The following FIGNL1 variants were observed in gnomAD, a reference collection of about 807,000 sequenced individuals.
FIGNL1 encodes fidgetin like 1, also known as fidgetin-like protein 1.
FIGNL1 carries 11 observed loss-of-function variants against 28.9 expected under a neutral mutation model. The observed-to-expected ratio is 0.38, with a 90% confidence interval of 0.24 to 0.63. FIGNL1 has a LOEUF of 0.63. Ranked by LOEUF, FIGNL1 falls within the 20% of genes least tolerant of loss-of-function variation. The pLI, the probability that FIGNL1 is intolerant of heterozygous loss-of-function variation, is 0.57. For missense variants in FIGNL1, 789 were observed against 810.4 expected, an observed-to-expected ratio of 0.97 and a Z score of 0.32; for synonymous variants, 295 against 276.5, an observed-to-expected ratio of 1.07 and a Z score of -0.66.
rs1232533575 is a variant in FIGNL1, at chr7:50,445,781, C to T, written c.1507G>A (p.Asp503Asn). Residue 503 changes from aspartate (D) to asparagine (N), a missense_variant, in exon 4 of 4, where the codon GAT (aspartate) becomes AAT (asparagine). Asp to Asn is a conservative substitution (Grantham distance 23, BLOSUM62 1). Transcript: ENST00000433017. ...TCTCCCCGTTGAGATAACAAGGAAT[C>T]AATTTCGTCAATAAATATCACAGCT... ...QPAVIFIDEIDSLLSQRGDGE... is the reference protein window; with the variant it reads ...QPAVIFIDEINSLLSQRGDGE... 6.2e-7 allele frequency: 1 copy of T among 1,614,216 alleles called. No homozygotes were observed. The highest frequency in any genetic ancestry group is 1.3e-5 in the African/African-American group (1 of 75,070).
Position 50,445,548 on chromosome 7 carries a change from T to A in FIGNL1, c.1740A>T (p.Leu580=). 6.2e-7 allele frequency: 1 copy of A among 1,614,234 alleles called. No individual in the cohort carries two copies. Among genetic ancestry groups the A allele is most frequent in the Non-Finnish European group, 8.5e-7 (1 of 1,180,040 alleles). The part of the protein sequence containing the change: ...ASARKQIVIN[L]MSKEQCCLSE... The stretch of plus-strand genomic sequence containing the variant: ...TGAGGCAACACTGCTCTTTGGACAT[T>A]AGATTAATTACTATCTGTTTCCTGG... The change falls in exon 4 of 4, where the codon CTA becomes CTT. Residue 580 remains leucine, a synonymous_variant. Transcript: ENST00000433017.
rs574977488 is a variant in FIGNL1, at chr7:50,444,466, C to T, written c.*797G>A. On this transcript the variant is annotated 3_prime_UTR_variant, in exon 4 of 4. Coordinates refer to ENST00000433017, the MANE Select transcript of FIGNL1 (RefSeq NM_001287492.4). ...ATGCTTAAATATTAATAGTGTGTCCCGCAAAGTGGTAGGATAATAGTGACT... is the reference window on the plus strand; with the variant it reads ...ATGCTTAAATATTAATAGTGTGTCCTGCAAAGTGGTAGGATAATAGTGACT... 1.1e-4 allele frequency: 16 copies of T among 152,260 alleles called. No homozygotes were observed. Among genetic ancestry groups the T allele is most frequent in the African/African-American group, 2.9e-4 (12 of 41,566 alleles). 9.4% of individuals were successfully genotyped at this position (152,260 alleles called of 1,614,324 possible). A position where few individuals can be genotyped will look rare whatever the true frequency, so the allele number is the denominator to read the frequency against.
In FIGNL1 at chr7:50,445,369, G is replaced by A; in HGVS notation, c.1919C>T (p.Ala640Val). 6.2e-7 allele frequency: 1 copy of A among 1,614,150 alleles called. No homozygotes were observed. The highest frequency in any genetic ancestry group is 8.5e-7 in the Non-Finnish European group (1 of 1,179,992). ...TITPDQVRPIAYIDFENAFRT... is the reference protein window; with the variant it reads ...TITPDQVRPIVYIDFENAFRT... ...AAAAGCATTTTCAAAATCAATGTAAGCTATGGGTCGAACTTGATCCGGTGT... is the reference window on the plus strand; with the variant it reads ...AAAAGCATTTTCAAAATCAATGTAAACTATGGGTCGAACTTGATCCGGTGT... Residue 640 changes from alanine to valine, a missense_variant, in exon 4 of 4, where the codon GCT becomes GTT. Coordinates refer to ENST00000433017, the MANE Select transcript of FIGNL1 (RefSeq NM_001287492.4).
At position 50,445,323 on chromosome 7, in the gene FIGNL1, A is replaced by G. The variant is rs1397366080; in HGVS notation, c.1965T>C (p.Val655=). ...CATAAAGCTCTAAATCTTTTGGAGAAACACTAGGTCGCACAGTTCTAAAAG... is the reference window on the plus strand; with the variant it reads ...CATAAAGCTCTAAATCTTTTGGAGAGACACTAGGTCGCACAGTTCTAAAAG... ...ENAFRTVRPS[V]SPKDLELYEN... is the part of the protein sequence containing the mutation. Residue 655 remains valine, a synonymous_variant, in exon 4 of 4, where the codon GTT becomes GTC. Transcript: ENST00000433017. The G allele has an allele frequency of 6.3e-7, 1 of 1,596,628 alleles. No homozygotes were observed. Among genetic ancestry groups the G allele is most frequent in the African/African-American group, 1.4e-5 (1 of 73,874 alleles).
At position 50,446,195 on chromosome 7, in the gene FIGNL1, G is replaced by T. The variant is rs766877179; in HGVS notation, c.1093C>A (p.Pro365Thr). The change falls in exon 4 of 4, where the codon CCT (proline) becomes ACT (threonine). Residue 365 changes from proline to threonine, a missense_variant. Transcript: ENST00000433017. ...GMQCKPYGAG[P>T]TEPAHPVDER... ...TCAACTGGATGTGCTGGTTCTGTAG[G>T]TCCTGCCCCATAAGGCTTACATTGC... 6.2e-7 allele frequency: 1 copy of T among 1,614,154 alleles called. No homozygotes were observed. The highest frequency in any genetic ancestry group is 8.5e-7 in the Non-Finnish European group (1 of 1,180,032).
At chr7:50,448,681 G>T (rs778842199) in intron 2 of FIGNL1, 1 of 152,100 alleles carries the variant, frequency 6.6e-6, no homozygotes, top group Non-Finnish European at 1.5e-5. Context: ...CCCTACTTTA[G>T]GTTCAAGTAT....
intron 3 of FIGNL1, 58 bp downstream of exon 3, chr7:50,448,123 A>T (rs1821361936): frequency 6.6e-6 from 1 of 152,250 alleles, no homozygotes; most frequent in Admixed American, 6.5e-5. Flanking sequence ...TCTGAAAACT[A>T]TCATTATCCT....
At chr7:50,447,894 C>T (rs940216868) in intron 3 of FIGNL1, 4 of 152,098 alleles carry the variant, frequency 2.6e-5, no homozygotes, top group African/African-American at 9.7e-5. Context: ...CTGCCACCAC[C>T]CCTGGATAAT....
chr7:50,446,442 TTC>T lies in FIGNL1; in HGVS notation c.844_845del (p.Glu282ArgfsTer2). The T allele has an allele frequency of 6.2e-7, 1 of 1,614,232 alleles. No homozygotes were observed. Among genetic ancestry groups the T allele is most frequent in the Non-Finnish European group, 8.5e-7 (1 of 1,180,042 alleles). ...TGCTATCCTCCTTTGGGCCATTATC[TTC>T]TGTTTTACTACAAGCCTTATTCAGT... The part of the protein sequence containing the change: ...PILNKACSKT[E>X]DNGPKEDSSL... On this transcript the variant is annotated frameshift_variant, in exon 4 of 4. Coordinates refer to ENST00000433017, the MANE Select transcript of FIGNL1 (RefSeq NM_001287492.4). LOFTEE classifies it high-confidence loss of function.
At position 50,449,380 on chromosome 7, in the gene FIGNL1, T is replaced by A. The variant is rs1308843315; in HGVS notation, c.-382A>T. ...TTAGCACTGTCATATGAACTGCATT[T>A]CAATCTTCTTTATTTTGCCAATGTT... On this transcript the variant is annotated 5_prime_UTR_variant, in exon 2 of 4. Transcript: ENST00000433017. The A allele has an allele frequency of 6.6e-6, 1 of 152,232 alleles. No individual in the cohort carries two copies. The highest frequency in any genetic ancestry group is 1.9e-4 in the East Asian group (1 of 5,208). The allele number at this position is 152,232 out of a possible 1,614,324, so 9.4% of individuals were successfully genotyped here. A position where few individuals can be genotyped will look rare whatever the true frequency, so the allele number is the denominator to read the frequency against.
chr7:50,445,959 A>C lies in FIGNL1; in HGVS notation c.1329T>G (p.Pro443=), dbSNP rs1311116330. ...TGCCAATTAGAGTTTTACCAGTCCCAGGAGGACCAAAGAGCAAAATTCCTT... is the reference window on the plus strand; with the variant it reads ...TGCCAATTAGAGTTTTACCAGTCCCCGGAGGACCAAAGAGCAAAATTCCTT... ...PPKGILLFGP[P]GTGKTLIGKC... The change falls in exon 4 of 4, where the codon CCT becomes CCG. Residue 443 remains proline, a synonymous_variant. Coordinates refer to ENST00000433017, the MANE Select transcript of FIGNL1 (RefSeq NM_001287492.4). The C allele has an allele frequency of 6.2e-7, 1 of 1,614,180 alleles. No homozygotes were observed. The highest frequency in any genetic ancestry group is 1.7e-5 in the Admixed American group (1 of 60,028).
rs1440128138 is a variant in FIGNL1 at position 50,446,795 on chromosome 7, T to C, written c.493A>G (p.Asn165Asp). 1 of 1,614,104 alleles carries C rather than the reference T, an allele frequency of 6.2e-7. No homozygotes were observed. The highest frequency in any genetic ancestry group is 8.5e-7 in the Non-Finnish European group (1 of 1,180,038). The change falls in exon 4 of 4, where the codon AAC (asparagine) becomes GAC (aspartate). Residue 165 changes from asparagine to aspartate, a missense_variant. Coordinates refer to ENST00000433017, the MANE Select transcript of FIGNL1 (RefSeq NM_001287492.4). ...GTCCGGTCTCGATCATGAGCTGAGT[T>C]AGGTAATGAGTCACTCTCTTGAGAA... is the stretch of plus-strand genomic sequence containing the variant. ...GSSQESDSLPNSAHDRDRTQD... is the reference protein window; with the variant it reads ...GSSQESDSLPDSAHDRDRTQD...
chr7:50,446,162 G>A lies in FIGNL1; in HGVS notation c.1126C>T (p.Leu376=). The change falls in exon 4 of 4, where the codon CTG becomes TTG. Residue 376 remains leucine, a synonymous_variant. Coordinates refer to ENST00000433017, the MANE Select transcript of FIGNL1 (RefSeq NM_001287492.4). The stretch of plus-strand genomic sequence containing the variant: ...ATCATCTTTGGCTCCAAGTTCTTCA[G>A]ACGCTCATCAACTGGATGTGCTGGT... ...TEPAHPVDER[L]KNLEPKMIEL... 2 of 1,614,196 alleles carry A rather than the reference G, an allele frequency of 1.2e-6. No individual in the cohort carries two copies. The highest frequency in any genetic ancestry group is 8.5e-7 in the Non-Finnish European group (1 of 1,180,034).
rs1217522783 is a variant in FIGNL1, at chr7:50,446,049, T to C, written c.1239A>G (p.Ile413Met). 1 of 1,614,218 alleles carries C rather than the reference T, an allele frequency of 6.2e-7. No individual in the cohort carries two copies. Among genetic ancestry groups the C allele is most frequent in the South Asian group, 1.1e-5 (1 of 91,084 alleles). ...ACATGGGCCACACAACTATTTCCTT[T>C]ATGGTGGCTTTAGCAAATTCTACTC... ...IAGVEFAKAT[I>M]KEIVVWPMLR... is the part of the protein sequence containing the mutation. The change falls in exon 4 of 4, where the codon ATA becomes ATG. Residue 413 changes from isoleucine (I) to methionine (M), a missense_variant. By Grantham distance (10) the Ile-to-Met change is conservative. Coordinates refer to ENST00000433017, the MANE Select transcript of FIGNL1 (RefSeq NM_001287492.4).
In FIGNL1 at chr7:50,449,518, T is replaced by C. The variant is rs190896964; in HGVS notation, c.-520A>G. The C allele has an allele frequency of 2.4e-4, 36 of 152,364 alleles. No individual in the cohort carries two copies. Among genetic ancestry groups the C allele is most frequent in the African/African-American group, 8.7e-4 (36 of 41,582 alleles). 9.4% of individuals were successfully genotyped at this position (152,364 alleles called of 1,614,324 possible). ...TTAGTACCTAGAATACAGTGTCCTT[T>C]GGAATAATAGCTACTAAAATACTGA... is the stretch of plus-strand genomic sequence containing the variant. On this transcript the variant is annotated 5_prime_UTR_variant, in exon 2 of 4. Coordinates refer to ENST00000433017, the MANE Select transcript of FIGNL1 (RefSeq NM_001287492.4).
Position 50,446,657 on chromosome 7 carries a change from C to A in FIGNL1, c.631G>T (p.Ala211Ser). ...GGTGTGACATGGAATTTTGCAGTAG[C>A]TGACTCACCTACAGGTGCTGAGAAT... ...PTFSAPVGES[A>S]TAKFHVTPLF... The change falls in exon 4 of 4, where the codon GCT becomes TCT. Residue 211 changes from alanine (A) to serine (S), a missense_variant. Ala to Ser is a moderately conservative substitution (Grantham distance 99). Coordinates refer to ENST00000433017, the MANE Select transcript of FIGNL1 (RefSeq NM_001287492.4). The A allele has an allele frequency of 6.2e-7, 1 of 1,614,188 alleles. No individual in the cohort carries two copies. The highest frequency in any genetic ancestry group is 8.5e-7 in the Non-Finnish European group (1 of 1,180,030).
Position 50,446,992 on chromosome 7 carries a change from T to C in FIGNL1, c.296A>G (p.Lys99Arg). The change falls in exon 4 of 4, where the codon AAG becomes AGG. Residue 99 changes from lysine to arginine, a missense_variant. Coordinates refer to ENST00000433017, the MANE Select transcript of FIGNL1 (RefSeq NM_001287492.4). ...ATTTATTGACAATCCAGACTGCCAC[T>C]TGTCACTATCTGTTTGTTGAGATCC... Reference protein sequence around the residue: ...LAGSQQTDSDKWQSGLSINNV... With the variant: ...LAGSQQTDSDRWQSGLSINNV... 6.2e-7 allele frequency: 1 copy of C among 1,614,260 alleles called. No individual in the cohort carries two copies. Among genetic ancestry groups the C allele is most frequent in the Non-Finnish European group, 8.5e-7 (1 of 1,180,048 alleles).
chr7:50,445,603 CT>C lies in FIGNL1; in HGVS notation c.1684del (p.Arg562GlyfsTer15). 2 of 1,614,164 alleles carry C rather than the reference CT, an allele frequency of 1.2e-6. No individual in the cohort carries two copies. Among genetic ancestry groups the C allele is most frequent in the Non-Finnish European group, 8.5e-7 (1 of 1,180,026 alleles). ...AGCTTCTGGGAGGGGAATATAAAGC[CT>C]TTTCACCAATCTTCTCCGGGCAGCC... ...DEAARRRLVK[R>X]LYIPLPEASA... On this transcript the variant is annotated frameshift_variant, in exon 4 of 4. Transcript: ENST00000433017. LOFTEE classifies it low-confidence loss of function (END_TRUNC).
Position 50,445,843 on chromosome 7 carries a change from A to G in FIGNL1, c.1445T>C (p.Val482Ala), listed in dbSNP as rs1388411133. 3 of 1,614,202 alleles carry G rather than the reference A, an allele frequency of 1.9e-6. No individual in the cohort carries two copies. Among genetic ancestry groups the G allele is most frequent in the Non-Finnish European group, 1.7e-6 (2 of 1,180,044 alleles). ...SKWVGEGEKM[V>A]RALFAVARCQ... ...CCTTGCAACAGCAAACAATGCACGG[A>G]CCATTTTCTCCCCCTCACCTACCCA... is the stretch of plus-strand genomic sequence containing the variant. The change falls in exon 4 of 4, where the codon GTC becomes GCC. Residue 482 changes from valine (V) to alanine (A), a missense_variant. Transcript: ENST00000433017.
Sources: gnomAD v4.1 joint callset for allele counts on GRCh38, gnomAD v4.1.1 for gene constraint, MANE v1.5 for transcripts, NCBI Gene and HGNC (gene_info 2026-07-23, HGNC 2026-07-21) for gene names.